The following NELL1 variants were observed in gnomAD, a reference collection of about 807,000 sequenced individuals.
NELL1 encodes the protein protein kinase C-binding protein NELL1.
Under a neutral mutation model 107.4 loss-of-function variants are expected in NELL1, and 76 were observed. The observed-to-expected ratio is 0.71, with a 90% CI of 0.59 to 0.86. The LOEUF is 0.86. Among genes scored for constraint, NELL1 ranks in the 40% least tolerant of loss-of-function variants. The pLI is 0.00. For synonymous variants in NELL1, 353 were observed against 341.2 expected, an observed-to-expected ratio of 1.03 and a Z score of -0.38; for missense variants, 1,024 against 1,005.5, an observed-to-expected ratio of 1.02 and a Z score of -0.25.
Position 21,125,212 on chromosome 11 carries a change from G to C in NELL1, c.1426+11498G>C, listed in dbSNP as rs182412703. Among the ~76,000 whole-genome samples the C allele has an allele frequency of 2.1e-3, 324 of 152,262 alleles. 1 individual carries two copies. The highest frequency in any genetic ancestry group is 2.0e-3 in the Non-Finnish European group (133 of 68,026). ...TTTTCTGGATCAGGGCCAAGACAAAGAGAGATACTAAGGGGAGCCTGAAAA... is the reference window on the plus strand; with the variant it reads ...TTTTCTGGATCAGGGCCAAGACAAACAGAGATACTAAGGGGAGCCTGAAAA... On this transcript the variant is annotated intron_variant, in intron 13 of 19. Coordinates refer to ENST00000357134, the MANE Select transcript of NELL1 (RefSeq NM_006157.5).
intron 13 of NELL1, among the ~76,000 whole-genome samples, chr11:21,145,181 G>C (rs1013870619): frequency 6.6e-6 from 1 of 151,990 alleles, no homozygotes; most frequent in East Asian, 1.9e-4. Context: ...GCAGTGTTTC[G>C]TATAGAATAT....
intron 3 of NELL1, among the ~76,000 whole-genome samples, chr11:20,800,908 C>A (rs570796718): frequency 6.6e-6 from 1 of 152,270 alleles, no homozygotes; most frequent in East Asian, 1.9e-4. Flanking sequence ...TGTAGAAGGG[C>A]TTTCCTTGGT....
chr11:20,814,114 G>A (rs1255208612), intron 3 of NELL1, among the ~76,000 whole-genome samples: 2 of 151,734 alleles, frequency 1.3e-5, no homozygotes, highest in African/African-American at 2.4e-5. Flanking sequence ...TCCTGCCTCA[G>A]CCTCCCGAGT....
chr11:21,484,533 T>C (rs1854578231), intron 15 of NELL1, among the ~76,000 whole-genome samples: 1 of 152,012 alleles, frequency 6.6e-6, no homozygotes, highest in African/African-American at 2.4e-5. Flanking sequence ...TGCACACTCA[T>C]AAGAATATAT....
intron 13 of NELL1, among the ~76,000 whole-genome samples, chr11:21,223,634 C>G (rs1000566391): frequency 1.3e-5 from 2 of 151,994 alleles, no homozygotes; most frequent in African/African-American, 4.8e-5. Flanking sequence ...TTTTTATACC[C>G]TTTGCTCCTT....
intron 15 of NELL1, among the ~76,000 whole-genome samples, chr11:21,455,643 G>T (rs1853709223): frequency 6.6e-6 from 1 of 151,962 alleles, no homozygotes; most frequent in Admixed American, 6.6e-5. Flanking sequence ...AACTTTTTGA[G>T]ATTATTTTGT....
At chr11:20,933,259 C>A (rs1399416470) in intron 9 of NELL1, among the ~76,000 whole-genome samples, 1 of 152,170 alleles carries the variant, frequency 6.6e-6, no homozygotes. Context: ...TGGGTGACAG[C>A]CAAAGGAGCT....
At chr11:21,493,609 G>A (rs1031287165) in intron 15 of NELL1, among the ~76,000 whole-genome samples, 1 of 151,946 alleles carries the variant, frequency 6.6e-6, no homozygotes, top group Non-Finnish European at 1.5e-5. Context: ...GGGTGGGATG[G>A]GAAGCAGATT....
At chr11:20,691,170 A>G (rs1854455278) in intron 2 of NELL1, among the ~76,000 whole-genome samples, 1 of 152,136 alleles carries the variant, frequency 6.6e-6, no homozygotes, top group South Asian at 2.1e-4. Context: ...TTATCAGCTT[A>G]AGGAGATTTT....
intron 14 of NELL1, among the ~76,000 whole-genome samples, chr11:21,273,612 A>G (rs1456727619): frequency 6.6e-6 from 1 of 152,226 alleles, no homozygotes; most frequent in Non-Finnish European, 1.5e-5. Context: ...CAGATTCACC[A>G]AAGTTGAAAT....
At chr11:21,113,482 C>T in intron 12 of NELL1, 107 bp from the exon 13 acceptor site, 1 of 1,164,804 alleles carries the variant, frequency 8.6e-7, no homozygotes, top group Non-Finnish European at 1.2e-6. Context: ...GTTACTTTTT[C>T]TCTTGGCTTC....
intron 12 of NELL1, among the ~76,000 whole-genome samples, chr11:21,070,625 C>T (rs1027976026): frequency 1.3e-5 from 2 of 152,046 alleles, no homozygotes; most frequent in African/African-American, 4.8e-5. Context: ...CATGCTTTTT[C>T]TTAATTTTGG....
At chr11:20,670,109 C>T (rs2133840447) in intron 1 of NELL1, among the ~76,000 whole-genome samples, 1 of 152,284 alleles carries the variant, frequency 6.6e-6, no homozygotes, top group East Asian at 1.9e-4. Context: ...GGCGGGCCCG[C>T]GTGCCCCGAG....
chr11:21,218,633 A>G (rs924733098), intron 13 of NELL1, among the ~76,000 whole-genome samples: 2 of 152,160 alleles, frequency 1.3e-5, no homozygotes, highest in East Asian at 3.9e-4. Flanking sequence ...ACCTCTCTGT[A>G]TCCTCCTCTA....
intron 15 of NELL1, among the ~76,000 whole-genome samples, chr11:21,430,316 T>G (rs1852933704): frequency 6.6e-6 from 1 of 152,184 alleles, no homozygotes; most frequent in Non-Finnish European, 1.5e-5. Context: ...GTTTTATTTA[T>G]TTTGGCTAAA....
At chr11:21,326,160 T>C (rs1242831834) in intron 14 of NELL1, among the ~76,000 whole-genome samples, 4 of 52,642 alleles carry the variant, frequency 7.6e-5, no homozygotes, top group African/African-American at 2.5e-4. Flanking sequence ...TTTTGCTATT[T>C]TTTTTTTTCT....
intron 14 of NELL1, among the ~76,000 whole-genome samples, chr11:21,336,670 T>TACACACACACACAC (rs374935775): frequency 0.024 from 2,269 of 95,726 alleles, 27 homozygotes; most frequent in Middle Eastern, 0.028. Flanking sequence ...TATATATATA[T>TACACACACACACAC]ATATACACAC....
At chr11:21,292,911 C>G (rs545328825) in intron 14 of NELL1, among the ~76,000 whole-genome samples, 1 of 152,210 alleles carries the variant, frequency 6.6e-6, no homozygotes, top group South Asian at 2.1e-4. Flanking sequence ...CCCTTCCTTA[C>G]ACCTTATACA....
intron 5 of NELL1, among the ~76,000 whole-genome samples, chr11:20,893,354 G>A (rs2134118835): frequency 6.8e-6 from 1 of 146,822 alleles, no homozygotes; most frequent in East Asian, 2.0e-4. Context: ...TGCACACTCT[G>A]CACATGTATC....
Sources: gnomAD v4.1 joint callset for allele counts (sites outside exome capture counted in the v4.1 genomes callset) on GRCh38, gnomAD v4.1.1 for gene constraint, MANE v1.5 for transcripts, NCBI Gene and HGNC (gene_info 2026-07-23, HGNC 2026-07-21) for gene names.